Variants in OTOGL observed in about 807,000 individuals in gnomAD.
OTOGL encodes the protein otogelin-like protein.
OTOGL carries 285 observed loss-of-function variants against 318.5 expected under a neutral mutation model. That is an observed-to-expected ratio of 0.89 (90% confidence interval 0.81 to 0.99). The LOEUF (loss-of-function observed/expected upper bound fraction) is 0.99. OTOGL is among the 50% of genes least tolerant of loss of function. The pLI, the probability that OTOGL is intolerant of heterozygous loss-of-function variation, is 0.00. For synonymous variants in OTOGL, 987 were observed against 936.5 expected, an observed-to-expected ratio of 1.05 and a Z score of -0.99; for missense variants, 2,899 against 2,845.6, an observed-to-expected ratio of 1.02 and a Z score of -0.43.
At chr12:80,238,509 A>T (rs919760449) in intron 9 of OTOGL, among the ~76,000 whole-genome samples, 1 of 152,098 alleles carries the variant, frequency 6.6e-6, no homozygotes, top group East Asian at 1.9e-4. Flanking sequence ...CGTTTTACGC[A>T]TATTTTTTCT....
At chr12:80,282,641 C>G in intron 26 of OTOGL, among the ~76,000 whole-genome samples, 1 of 151,656 alleles carries the variant, frequency 6.6e-6, no homozygotes, top group African/African-American at 2.4e-5. Flanking sequence ...TTTTAGCAAA[C>G]AATTTTATAT....
chr12:80,112,152 G>A (rs1565864467), intron 1 of OTOGL, among the ~76,000 whole-genome samples: 1 of 152,168 alleles, frequency 6.6e-6, no homozygotes, highest in Admixed American at 6.5e-5. Flanking sequence ...TTGGGGCTGA[G>A]ACTATGGGAT....
At chr12:80,305,513 A>C in intron 28 of OTOGL, 63 bp from the exon 29 acceptor site, 1 of 1,260,440 alleles carries the variant, frequency 7.9e-7, no homozygotes, top group Non-Finnish European at 1.0e-6. Context: ...GTTTTAATGA[A>C]TATGAGTCTT....
chr12:80,352,864 T>C (rs1038193978), intron 45 of OTOGL, among the ~76,000 whole-genome samples: 4 of 152,256 alleles, frequency 2.6e-5, no homozygotes, highest in African/African-American at 9.6e-5. Flanking sequence ...ATTTATAAAC[T>C]GCTCACCAAT....
At chr12:80,338,115 C>T (rs1207308760) in intron 42 of OTOGL, among the ~76,000 whole-genome samples, 1 of 151,926 alleles carries the variant, frequency 6.6e-6, no homozygotes, top group Non-Finnish European at 1.5e-5. Flanking sequence ...CAACATAGGT[C>T]CTGATCTCAA....
intron 23 of OTOGL, 118 bp from the exon 24 acceptor site, chr12:80,271,530 C>A (rs555115731): frequency 1.0e-6 from 1 of 961,680 alleles, no homozygotes; most frequent in Non-Finnish European, 1.5e-6. Flanking sequence ...TGGAAGGCAG[C>A]TAACATTCTC....
chr12:80,108,815 GTATA>G (rs1328882889), intron 1 of OTOGL, among the ~76,000 whole-genome samples: 2 of 129,976 alleles, frequency 1.5e-5, no homozygotes, highest in African/African-American at 2.9e-5. Flanking sequence ...ATATATATGT[GTATA>G]TATATGTATA....
chr12:80,350,476 T>A (rs966141397), intron 44 of OTOGL, among the ~76,000 whole-genome samples: 1 of 152,158 alleles, frequency 6.6e-6, no homozygotes, highest in Admixed American at 6.5e-5. Flanking sequence ...TTGAGAAACC[T>A]CCATATTGTT....
At chr12:80,234,615 T>C (rs1302349437) in intron 9 of OTOGL, among the ~76,000 whole-genome samples, 1 of 152,200 alleles carries the variant, frequency 6.6e-6, no homozygotes, top group Non-Finnish European at 1.5e-5. Flanking sequence ...ACCTGGCACA[T>C]AGTAATACTC....
intron 29 of OTOGL, among the ~76,000 whole-genome samples, chr12:80,308,340 G>C (rs868772373): frequency 6.6e-6 from 1 of 150,400 alleles, no homozygotes; most frequent in Non-Finnish European, 1.5e-5. Flanking sequence ...CGGGGCGTCC[G>C]GGCAGAGACG....
intron 27 of OTOGL, among the ~76,000 whole-genome samples, chr12:80,298,452 ACTT>A (rs1215541156): frequency 6.6e-6 from 1 of 152,168 alleles, no homozygotes; most frequent in Non-Finnish European, 1.5e-5. Flanking sequence ...TTTAGAACCT[ACTT>A]CTTTAGTTTG....
rs376173993 is a variant in OTOGL, at chr12:80,377,089, C to G, written c.6782-34C>G. On this transcript the variant is annotated intron_variant, in intron 57 of 58. Transcript: ENST00000547103. Reference sequence around the variant, plus strand: ...ATTTAAGAAACAATTTAACGTAGGCCTTTGATGAATAAATACATTTTATAT... The same window carrying G: ...ATTTAAGAAACAATTTAACGTAGGCGTTTGATGAATAAATACATTTTATAT... 2.0e-6 allele frequency: 3 copies of G among 1,485,026 alleles called. No individual in the cohort carries two copies. In the African/African-American group the frequency reaches 4.2e-5, roughly 21 times the overall value. 92.0% of individuals were successfully genotyped at this position (1,485,026 alleles called of 1,614,324 possible).
At chr12:80,110,067 C>CTTTTT (rs35589524) in intron 1 of OTOGL, among the ~76,000 whole-genome samples, 30 of 103,726 alleles carry the variant, frequency 2.9e-4, no homozygotes, top group Admixed American at 6.1e-4. Flanking sequence ...TTCTTTCTTT[C>CTTTTT]TTTTTTTTTT....
chr12:80,183,070 A>C (rs1875039303), intron 1 of OTOGL, among the ~76,000 whole-genome samples: 1 of 152,196 alleles, frequency 6.6e-6, no homozygotes, highest in South Asian at 2.1e-4. Flanking sequence ...AAAGTGAGAA[A>C]ATTTTTATAA....
chr12:80,290,739 A>G (rs1448590188), intron 26 of OTOGL, among the ~76,000 whole-genome samples: 2 of 152,174 alleles, frequency 1.3e-5, no homozygotes, highest in Admixed American at 6.5e-5. Context: ...CATCTCTACA[A>G]ATATTTTCCA....
At chr12:80,253,638 C>T in intron 14 of OTOGL, 64 bp downstream of exon 14, 1 of 1,324,738 alleles carries the variant, frequency 7.5e-7, no homozygotes, top group Non-Finnish European at 1.1e-6. Context: ...TTTACCATGA[C>T]AGATGTTTAA....
intron 40 of OTOGL, 60 bp from the exon 41 acceptor site, chr12:80,336,737 C>T (rs978034094): frequency 3.4e-5 from 49 of 1,447,466 alleles, no homozygotes; most frequent in East Asian, 7.4e-5. Context: ...CATATAAATC[C>T]GAATAATGTT....
chr12:80,186,358 C>G (rs1875289179), intron 1 of OTOGL, among the ~76,000 whole-genome samples: 1 of 152,122 alleles, frequency 6.6e-6, no homozygotes, highest in Non-Finnish European at 1.5e-5. Flanking sequence ...GTCATCTTCC[C>G]TTTCTCTCTG....
chr12:80,313,112 GAAGA>G (rs1391366142), intron 30 of OTOGL, among the ~76,000 whole-genome samples: 1 of 152,168 alleles, frequency 6.6e-6, no homozygotes, highest in Non-Finnish European at 1.5e-5. Flanking sequence ...AGGAAAGAAG[GAAGA>G]AAGATACGAA....
Sources: allele counts gnomAD v4.1 joint callset (sites outside exome capture counted in the v4.1 genomes callset), GRCh38; gene constraint gnomAD v4.1.1; transcripts MANE v1.5; gene names NCBI Gene and HGNC (gene_info 2026-07-23, HGNC 2026-07-21).